LAMB4: variants seen among roughly 807,000 people sequenced by gnomAD.
LAMB4 encodes laminin subunit beta 4.
Under a neutral mutation model 199.2 loss-of-function variants are expected in LAMB4, and 196 were observed. That is an observed-to-expected ratio of 0.98 (90% CI 0.88 to 1.11). The LOEUF is 1.11. Among genes scored for constraint, LAMB4 ranks in the 50% least tolerant of loss-of-function variants. The probability of loss-of-function intolerance (pLI) is 0.00; values close to 1 mark genes in which losing one functional copy is unlikely to be tolerated. For synonymous variants in LAMB4, 744 were observed against 770.6 expected (o/e 0.97, Z 0.57); for missense variants, 2,080 against 2,171.2 (o/e 0.96, Z 0.83).
At chr7:108,109,546 G>A (rs2038144678) in intron 4 of LAMB4, among the ~76,000 whole-genome samples, 1 of 152,232 alleles carries the variant, frequency 6.6e-6, no homozygotes. Flanking sequence ...TAGGTGGAAA[G>A]AGAGAAAGAG....
At chr7:108,107,117 A>T (rs920654595) in intron 6 of LAMB4, among the ~76,000 whole-genome samples, 9 of 152,286 alleles carry the variant, frequency 5.9e-5, no homozygotes, top group African/African-American at 2.2e-4. Context: ...GCAAGCCATG[A>T]TCAATTTGGA....
At chr7:108,013,121 T>C in the LAMB4 span, among the ~76,000 whole-genome samples, 43 of 152,328 alleles carry the variant, frequency 2.8e-4, no homozygotes, top group East Asian at 6.9e-3. Context: ...GTGAAGAGTA[T>C]TCATTAAGTA....
chr7:108,070,434 G>A (rs574614004), intron 17 of LAMB4, among the ~76,000 whole-genome samples: 1 of 152,262 alleles, frequency 6.6e-6, no homozygotes, highest in Non-Finnish European at 1.5e-5. Context: ...GGTTTGAACT[G>A]CATGGGTCCC....
intron 2 of LAMB4, among the ~76,000 whole-genome samples, chr7:108,118,485 G>A (rs952151290): frequency 2.6e-5 from 4 of 152,088 alleles, no homozygotes; most frequent in Non-Finnish European, 5.9e-5. Context: ...ATAAAAATAT[G>A]TCCTACTGAT....
chr7:108,087,158 T>C (rs2037213116), intron 14 of LAMB4, among the ~76,000 whole-genome samples: 1 of 152,150 alleles, frequency 6.6e-6, no homozygotes, highest in Admixed American at 6.5e-5. Flanking sequence ...AGCTGGGGTA[T>C]TTCTCCATAA....
intron 4 of LAMB4, 133 bp from the exon 5 acceptor site, chr7:108,109,377 C>A: frequency 1.5e-6 from 1 of 689,118 alleles, no homozygotes; most frequent in Non-Finnish European, 2.5e-6. Context: ...TCTTCCCAGT[C>A]TGTTGGAGTG....
At chr7:108,036,389 T>C (rs2035231676) in intron 30 of LAMB4, among the ~76,000 whole-genome samples, 1 of 152,112 alleles carries the variant, frequency 6.6e-6, no homozygotes. Context: ...CGTTTCTCCC[T>C]GTTGGTCAGG....
At chr7:108,036,453 G>T (rs150398381) in intron 30 of LAMB4, among the ~76,000 whole-genome samples, 1 of 152,292 alleles carries the variant, frequency 6.6e-6, no homozygotes, top group African/African-American at 2.4e-5. Flanking sequence ...CTCCTAAAGT[G>T]CTGGGATTAC....
intron 27 of LAMB4, among the ~76,000 whole-genome samples, chr7:108,048,935 C>A (rs2035738788): frequency 6.6e-6 from 1 of 152,166 alleles, no homozygotes; most frequent in Non-Finnish European, 1.5e-5. Flanking sequence ...AAGTAATCTG[C>A]CCACCTTGGC....
At chr7:108,124,012 G>C (rs892226394) in intron 1 of LAMB4, among the ~76,000 whole-genome samples, 1 of 146,328 alleles carries the variant, frequency 6.8e-6, no homozygotes, top group African/African-American at 2.5e-5. Flanking sequence ...ATTTGTAATG[G>C]TTTTTTTTTT....
intron 3 of LAMB4, among the ~76,000 whole-genome samples, chr7:108,112,629 G>C (rs2038272004): frequency 6.6e-6 from 1 of 152,148 alleles, no homozygotes; most frequent in Non-Finnish European, 1.5e-5. Context: ...CAACAGCAAA[G>C]GCTGGCCTTT....
chr7:108,079,524 C>T, intron 15 of LAMB4, 77 bp downstream of exon 15: 1 of 1,226,606 alleles, frequency 8.2e-7, no homozygotes, highest in South Asian at 1.6e-5. Flanking sequence ...CCTATTCTAG[C>T]AAGGCTGAAA....
intron 19 of LAMB4, among the ~76,000 whole-genome samples, chr7:108,067,010 A>G (rs571484399): frequency 3.9e-5 from 6 of 152,116 alleles, no homozygotes; most frequent in South Asian, 2.1e-4. Flanking sequence ...CCATCTTAAC[A>G]TGGTCAGAGT....
At chr7:108,022,464 G>A (rs1490244793), downstream of LAMB4, among the ~76,000 whole-genome samples, 1 of 152,186 alleles carries the variant, frequency 6.6e-6, no homozygotes, top group East Asian at 1.9e-4. Context: ...AAAATGTAAA[G>A]AGACACTGTT....
rs748169558 is a variant in LAMB4, at chr7:108,043,545, G to GTTTTTTTTTTTTTTTTTT, written c.4471+189_4471+206dup. Among the ~76,000 whole-genome samples the GTTTTTTTTTTTTTTTTTT allele has an allele frequency of 2.0e-4, 11 of 55,986 alleles. 1 individual carries two copies. The highest frequency in any genetic ancestry group is 2.3e-4 in the Non-Finnish European group (8 of 34,518). 36.7% of individuals were successfully genotyped at this position (55,986 alleles called of 152,430 possible). A position where few individuals can be genotyped will look rare whatever the true frequency, so the allele number is the denominator to read the frequency against. ...AATATAATTTGGAACTGGCTATGATGTTTTTTTTTTTTTTTTTTTTTTTTT... is the reference window on the plus strand; with the variant it reads ...AATATAATTTGGAACTGGCTATGATGTTTTTTTTTTTTTTTTTTTTTTTTTTTTTTTTTTTTTTTTTTT... On this transcript the variant is annotated intron_variant, in intron 29 of 33. Transcript: ENST00000388781.
At chr7:108,061,525 G>A (rs1222164171) in intron 23 of LAMB4, among the ~76,000 whole-genome samples, 1 of 152,070 alleles carries the variant, frequency 6.6e-6, no homozygotes, top group Non-Finnish European at 1.5e-5. Context: ...GATCACTTGA[G>A]ATCAGGAGTT....
chr7:108,085,039 C>T (rs561332161), intron 14 of LAMB4, among the ~76,000 whole-genome samples: 3 of 152,026 alleles, frequency 2.0e-5, no homozygotes, highest in African/African-American at 4.8e-5. Context: ...ATGCCAGGCC[C>T]CATATATTTT....
At chr7:108,061,838 T>A (rs1380335702) in intron 23 of LAMB4, among the ~76,000 whole-genome samples, 1 of 151,804 alleles carries the variant, frequency 6.6e-6, no homozygotes, top group East Asian at 1.9e-4. Context: ...ATTCTCCATA[T>A]AAGAACTACC....
Position 108,107,638 on chromosome 7 carries a change from C to G in LAMB4, c.584G>C (p.Gly195Ala). ...CAAGGAAGGAAATGCTACCTCTCCA[C>G]CTGTTGAGGGTTCAATATCCGAGTA... Reference protein sequence around the residue: ...SKYSDIEPSTGGEVVLKVLDP... With the variant: ...SKYSDIEPSTAGEVVLKVLDP... Residue 195 changes from glycine to alanine, a missense_variant, in exon 6 of 34, where the codon GGT (glycine) becomes GCT (alanine). Gly to Ala is a moderately conservative substitution (Grantham distance 60). Transcript: ENST00000388781. The G allele has an allele frequency of 1.9e-6, 3 of 1,601,156 alleles. No individual in the cohort carries two copies. The highest frequency in any genetic ancestry group is 1.1e-5 in the South Asian group (1 of 87,950).
Sources: allele counts gnomAD v4.1 joint callset (sites outside exome capture counted in the v4.1 genomes callset), GRCh38; gene constraint gnomAD v4.1.1; transcripts MANE v1.5; gene names NCBI Gene and HGNC (gene_info 2026-07-23, HGNC 2026-07-21).